Variants in STK32B observed in about 807,000 individuals in gnomAD.
STK32B encodes serine/threonine kinase 32B, also known as serine/threonine-protein kinase 32B.
A neutral mutation model predicts 52.6 loss-of-function variants in STK32B; 43 were observed. The ratio of observed to expected loss-of-function variants is 0.82; its 90% CI spans 0.64 to 1.05. The LOEUF is 1.05. STK32B is among the 50% of genes least tolerant of loss of function. The pLI is 0.00. For synonymous variants in STK32B, 238 were observed against 204.3 expected, an observed-to-expected ratio of 1.17 and a Z score of -1.41; for missense variants, 621 against 534.6, an observed-to-expected ratio of 1.16 and a Z score of -1.59.
chr4:5,051,979 C>G, intron 1 of STK32B, 64 bp downstream of exon 1: 1 of 1,548,420 alleles, frequency 6.5e-7, no homozygotes, highest in Non-Finnish European at 8.7e-7. Flanking sequence ...CCACCCTCGG[C>G]CGAGCCCTGC....
intron 3 of STK32B, among the ~76,000 whole-genome samples, chr4:5,330,452 A>C (rs747114769): frequency 6.6e-6 from 1 of 152,208 alleles, no homozygotes; most frequent in Non-Finnish European, 1.5e-5. Context: ...AAAACAAAAT[A>C]CCACCCTAAA....
chr4:5,483,654 TTTC>T (rs1159028347), intron 11 of STK32B, among the ~76,000 whole-genome samples: 4 of 152,186 alleles, frequency 2.6e-5, no homozygotes, highest in Admixed American at 1.3e-4. Context: ...TGCTCTTGCT[TTTC>T]TAGTTCTTTT....
At chr4:5,099,661 T>A (rs1020851307) in intron 1 of STK32B, among the ~76,000 whole-genome samples, 1 of 152,000 alleles carries the variant, frequency 6.6e-6, no homozygotes, top group African/African-American at 2.4e-5. Context: ...AAAGAATAAA[T>A]TTGGTTGGGA....
chr4:5,340,446 C>T (rs957596771), intron 4 of STK32B, among the ~76,000 whole-genome samples: 2 of 152,166 alleles, frequency 1.3e-5, no homozygotes, highest in South Asian at 2.1e-4. Flanking sequence ...CTTGAGAGGC[C>T]CCAGGTGGGT....
rs1258477827 is a variant in STK32B at position 5,500,476 on chromosome 4, A to T, written c.*1393A>T. On this transcript the variant is annotated 3_prime_UTR_variant, in exon 12 of 12. Transcript: ENST00000282908. ...AACAAACCTGTTTAGGATTCTTCCA[A>T]ATGTTCTTCCTGGGGTCTTTGATAT... 3.3e-5 allele frequency: 5 copies of T among 152,096 alleles called. No homozygotes were observed. Among genetic ancestry groups the T allele is most frequent in the Non-Finnish European group, 7.4e-5 (5 of 68,012 alleles). 9.4% of individuals were successfully genotyped at this position (152,096 alleles called of 1,614,324 possible). A position where few individuals can be genotyped will look rare whatever the true frequency, so the allele number is the denominator to read the frequency against.
In STK32B at chr4:5,456,878, C is replaced by G. The variant is rs917967915; in HGVS notation, c.738C>G (p.His246Gln). ...ILNMFKVERVHYSSTWCKGMV... is the reference protein window; with the variant it reads ...ILNMFKVERVQYSSTWCKGMV... ...ACATGTTCAAGGTGGAGCGTGTCCA[C>G]TACTCCTCCACGTGGTGCAAGGGGA... Residue 246 changes from histidine (H) to glutamine (Q), a missense_variant, in exon 8 of 12, where the codon CAC becomes CAG. Coordinates refer to ENST00000282908, the MANE Select transcript of STK32B (RefSeq NM_018401.3). The G allele has an allele frequency of 1.3e-6, 2 of 1,596,234 alleles. No homozygotes were observed. The highest frequency in any genetic ancestry group is 2.3e-5 in the East Asian group (1 of 44,170).
rs1292172035 is a variant in STK32B at position 5,316,319 on chromosome 4, T to A, written c.261-14901T>A. 9.1e-4 allele frequency among the ~76,000 whole-genome samples: 61 copies of A among 66,728 alleles called. 1 individual carries two copies. Among genetic ancestry groups the A allele is most frequent in the Admixed American group, 2.1e-3 (8 of 3,874 alleles). The allele number at this position is 66,728 out of a possible 152,430, so 43.8% of individuals were successfully genotyped here. A position where few individuals can be genotyped will look rare whatever the true frequency, so the allele number is the denominator to read the frequency against. ...TATATATAATATATATATTGTATAT[T>A]ATATATTATATACAATATAATATAT... On this transcript the variant is annotated intron_variant, in intron 3 of 11. Transcript: ENST00000282908.
chr4:5,265,170 C>T (rs954360877), intron 3 of STK32B, among the ~76,000 whole-genome samples: 2 of 152,180 alleles, frequency 1.3e-5, no homozygotes, highest in African/African-American at 2.4e-5. Flanking sequence ...GTCAGAAAAT[C>T]TTTTCCTAAT....
chr4:5,154,937 G>T (rs1002185935), intron 2 of STK32B, among the ~76,000 whole-genome samples: 1 of 152,178 alleles, frequency 6.6e-6, no homozygotes. Flanking sequence ...CCTCCCACTC[G>T]GGATATGTGC....
intron 3 of STK32B, among the ~76,000 whole-genome samples, chr4:5,242,478 C>G (rs1225114973): frequency 1.3e-5 from 2 of 152,156 alleles, no homozygotes; most frequent in East Asian, 3.9e-4. Flanking sequence ...TGGATATTAG[C>G]CCTTTGTCAG....
intron 3 of STK32B, among the ~76,000 whole-genome samples, chr4:5,185,261 T>C (rs531833925): frequency 1.3e-5 from 2 of 152,322 alleles, no homozygotes; most frequent in East Asian, 3.9e-4. Flanking sequence ...TCCCTGTCTA[T>C]TGCCTAAACA....
intron 4 of STK32B, among the ~76,000 whole-genome samples, chr4:5,346,723 G>A (rs1434272451): frequency 6.6e-6 from 1 of 152,200 alleles, no homozygotes; most frequent in Non-Finnish European, 1.5e-5. Flanking sequence ...CTCCCACAGA[G>A]CTGTTGAGGG....
At chr4:5,353,971 C>G (rs143902948) in intron 4 of STK32B, among the ~76,000 whole-genome samples, 1 of 152,108 alleles carries the variant, frequency 6.6e-6, no homozygotes, top group Non-Finnish European at 1.5e-5. Context: ...TGCGAAGATA[C>G]GGAATCAACC....
intron 1 of STK32B, among the ~76,000 whole-genome samples, chr4:5,053,970 G>A (rs929100291): frequency 1.9e-5 from 2 of 102,670 alleles, no homozygotes; most frequent in Admixed American, 9.4e-5. Context: ...CAAGAGTGAA[G>A]CTCCATCTCA....
At chr4:5,035,978 C>T in the STK32B span, among the ~76,000 whole-genome samples, 16 of 151,916 alleles carry the variant, frequency 1.1e-4, no homozygotes, top group African/African-American at 1.9e-4. Flanking sequence ...AACAGAGTTT[C>T]GCCATGTTGT....
chr4:5,332,461 A>G (rs1258517352), intron 4 of STK32B, among the ~76,000 whole-genome samples: 1 of 152,146 alleles, frequency 6.6e-6, no homozygotes, highest in Non-Finnish European at 1.5e-5. Context: ...AATAAGGCGA[A>G]TTGTTGAAAA....
intron 4 of STK32B, among the ~76,000 whole-genome samples, chr4:5,370,990 G>GTATATATATATATATATATATATA (rs1735189558): frequency 2.2e-5 from 3 of 138,676 alleles, no homozygotes; most frequent in African/African-American, 8.4e-5. Context: ...ATATATGTGT[G>GTATATATATATATATATATATATA]TGTGTGTATA....
intron 3 of STK32B, among the ~76,000 whole-genome samples, chr4:5,260,015 C>T (rs2108843378): frequency 6.6e-6 from 1 of 152,108 alleles, no homozygotes; most frequent in South Asian, 2.1e-4. Flanking sequence ...GGGGTCAAGT[C>T]ATGCCAACCT....
At chr4:5,362,958 G>C (rs1734644814) in intron 4 of STK32B, among the ~76,000 whole-genome samples, 1 of 152,168 alleles carries the variant, frequency 6.6e-6, no homozygotes, top group Admixed American at 6.5e-5. Flanking sequence ...TCCAAACTCA[G>C]GCATTATGCC....
Sources: allele counts gnomAD v4.1 joint callset (sites outside exome capture counted in the v4.1 genomes callset), GRCh38; gene constraint gnomAD v4.1.1; transcripts MANE v1.5; gene names NCBI Gene and HGNC (gene_info 2026-07-23, HGNC 2026-07-21).